The following NFIA variants were observed in gnomAD, a reference collection of about 807,000 sequenced individuals.
NFIA encodes nuclear factor I A, also known as nuclear factor 1 A-type.
Under a neutral mutation model 62.8 loss-of-function variants are expected in NFIA, and 8 were observed. The ratio of observed to expected loss-of-function variants is 0.13; its 90% CI spans 0.07 to 0.23. NFIA has a LOEUF of 0.23. Ranked by LOEUF, NFIA falls within the 10% of genes least tolerant of loss-of-function variation. The probability of loss-of-function intolerance (pLI) is 1.00; values close to 1 mark genes in which losing one functional copy is unlikely to be tolerated. For synonymous variants in NFIA, 235 were observed against 238.1 expected, an observed-to-expected ratio of 0.99 and a Z score of 0.12; for missense variants, 410 against 642.1, an observed-to-expected ratio of 0.64 and a Z score of 3.91.
At chr1:61,381,229 A>G (rs1369108008) in intron 6 of NFIA, among the ~76,000 whole-genome samples, 1 of 152,160 alleles carries the variant, frequency 6.6e-6, no homozygotes, top group Non-Finnish European at 1.5e-5. Flanking sequence ...TTGGCAGCCT[A>G]TAAATTGGTC....
chr1:61,205,447 C>G (rs977526400), intron 2 of NFIA, among the ~76,000 whole-genome samples: 6 of 152,174 alleles, frequency 3.9e-5, no homozygotes, highest in African/African-American at 1.4e-4. Context: ...ATTATGTCAA[C>G]ATAGAGAAAC....
At chr1:61,345,422 G>A (rs1662173149) in intron 4 of NFIA, among the ~76,000 whole-genome samples, 1 of 152,194 alleles carries the variant, frequency 6.6e-6, no homozygotes, top group Non-Finnish European at 1.5e-5. Context: ...AAAGTCATGT[G>A]TATCACCTCT....
intron 7 of NFIA, among the ~76,000 whole-genome samples, chr1:61,391,619 C>A (rs1427964751): frequency 6.6e-6 from 1 of 152,068 alleles, no homozygotes; most frequent in African/African-American, 2.4e-5. Flanking sequence ...ATTATTTGGT[C>A]CCCTATTTGT....
chr1:61,264,416 G>T (rs1657004637), intron 2 of NFIA, among the ~76,000 whole-genome samples: 1 of 151,962 alleles, frequency 6.6e-6, no homozygotes, highest in African/African-American at 2.4e-5. Context: ...GGCTGAGGCG[G>T]GTGGATTGCT....
chr1:61,346,276 T>C (rs1662221555), intron 4 of NFIA, among the ~76,000 whole-genome samples: 1 of 152,184 alleles, frequency 6.6e-6, no homozygotes, highest in Non-Finnish European at 1.5e-5. Flanking sequence ...CCACATTTGA[T>C]TGGCAGCGAC....
intron 2 of NFIA, among the ~76,000 whole-genome samples, chr1:61,092,044 A>G (rs1646329786): frequency 6.6e-6 from 1 of 152,198 alleles, no homozygotes; most frequent in Non-Finnish European, 1.5e-5. Flanking sequence ...ATTACCTGCC[A>G]TGGGGTAGAA....
chr1:61,156,475 G>A lies in NFIA; in HGVS notation c.559+67795G>A, dbSNP rs1281829726. Among the ~76,000 whole-genome samples the A allele has an allele frequency of 2.6e-5, 4 of 152,160 alleles. No homozygotes were observed. The South Asian group carries it at 6.2e-4, about 24-fold the overall frequency. On this transcript the variant is annotated intron_variant, in intron 2 of 10. Coordinates refer to ENST00000403491, the MANE Select transcript of NFIA (RefSeq NM_001134673.4). The stretch of plus-strand genomic sequence containing the variant: ...TTAATGGATTTCATTATTTGGGAGA[G>A]CATTTTACTGACTATAGAGAATTCA...
chr1:61,208,411 T>C (rs1653034005), intron 2 of NFIA, among the ~76,000 whole-genome samples: 1 of 152,206 alleles, frequency 6.6e-6, no homozygotes, highest in Non-Finnish European at 1.5e-5. Flanking sequence ...AAGACTACTC[T>C]GGTAGCTTTT....
At chr1:61,361,985 C>T (rs1233151974) in intron 6 of NFIA, among the ~76,000 whole-genome samples, 3 of 152,042 alleles carry the variant, frequency 2.0e-5, no homozygotes, top group Non-Finnish European at 4.4e-5. Context: ...TGGCCATACT[C>T]AGCAAGCGCA....
chr1:61,154,204 C>T (rs537780429), intron 2 of NFIA, among the ~76,000 whole-genome samples: 3 of 152,192 alleles, frequency 2.0e-5, no homozygotes, highest in East Asian at 1.9e-4. Flanking sequence ...GGCTTGAGTG[C>T]GTGGTGCGAT....
intron 2 of NFIA, among the ~76,000 whole-genome samples, chr1:61,105,941 C>T (rs1172425858): frequency 6.6e-6 from 1 of 151,200 alleles, no homozygotes; most frequent in Non-Finnish European, 1.5e-5. Context: ...TGTCGTGTGC[C>T]ACTCATGTTC....
chr1:61,440,981 A>G (rs1667547129), intron 10 of NFIA, among the ~76,000 whole-genome samples: 2 of 152,312 alleles, frequency 1.3e-5, no homozygotes, highest in African/African-American at 4.8e-5. Flanking sequence ...TAAAGTTCAT[A>G]TCATTTTAAT....
intron 1 of NFIA, among the ~76,000 whole-genome samples, chr1:61,083,351 G>A (rs1646153152): frequency 6.6e-6 from 1 of 152,132 alleles, no homozygotes; most frequent in Non-Finnish European, 1.5e-5. Context: ...CCAACGGCCC[G>A]CTCCCCGCAG....
chr1:61,103,173 A>G (rs1362620986), intron 2 of NFIA, among the ~76,000 whole-genome samples: 1 of 152,188 alleles, frequency 6.6e-6, no homozygotes, highest in African/African-American at 2.4e-5. Flanking sequence ...GCAAAGACAT[A>G]TGTGAAAATG....
intron 2 of NFIA, among the ~76,000 whole-genome samples, chr1:61,089,324 T>C (rs559402193): frequency 1.3e-5 from 2 of 152,220 alleles, no homozygotes; most frequent in South Asian, 4.1e-4. Flanking sequence ...CATGAACACA[T>C]TGAAAAATTG....
intron 2 of NFIA, among the ~76,000 whole-genome samples, chr1:61,202,417 A>C (rs1216652449): frequency 6.6e-6 from 1 of 152,178 alleles, no homozygotes; most frequent in African/African-American, 2.4e-5. Flanking sequence ...ATCCTTGTTT[A>C]AGGATTTATT....
intron 2 of NFIA, among the ~76,000 whole-genome samples, chr1:61,196,926 TGTGTGTGTGTGTGTGC>T (rs879416165): frequency 0.014 from 1,938 of 138,232 alleles, 18 homozygotes; most frequent in Middle Eastern, 0.05. Flanking sequence ...TGTGTGTGTG[TGTGTGTGTGTGTGTGC>T]GCGCGCGCGC....
At chr1:61,205,453 G>A (rs550756765) in intron 2 of NFIA, among the ~76,000 whole-genome samples, 5 of 152,300 alleles carry the variant, frequency 3.3e-5, no homozygotes, top group African/African-American at 1.2e-4. Context: ...TCAACATAGA[G>A]AAACTTCTAG....
chr1:61,389,718 T>C (rs566249871), intron 7 of NFIA, among the ~76,000 whole-genome samples: 5 of 150,900 alleles, frequency 3.3e-5, no homozygotes, highest in Admixed American at 3.3e-4. Flanking sequence ...TTGATAATCA[T>C]AATATAACCT....
Sources: gnomAD v4.1 joint callset for allele counts (sites outside exome capture counted in the v4.1 genomes callset) on GRCh38, gnomAD v4.1.1 for gene constraint, MANE v1.5 for transcripts, NCBI Gene and HGNC (gene_info 2026-07-23, HGNC 2026-07-21) for gene names.